The following MYO16 variants were observed in gnomAD, a reference collection of about 807,000 sequenced individuals.
MYO16 encodes unconventional myosin-XVI.
A neutral mutation model predicts 205.3 loss-of-function variants in MYO16; 94 were observed. The observed-to-expected ratio is 0.46, with a 90% CI of 0.39 to 0.54. The LOEUF (loss-of-function observed/expected upper bound fraction) is 0.54, where lower values mean the gene tolerates loss of function less well. Among genes scored for constraint, MYO16 ranks in the 20% least tolerant of loss-of-function variants. The pLI is 0.00. For synonymous variants in MYO16, 988 were observed against 954.0 expected (o/e 1.04, Z -0.66); for missense variants, 2,315 against 2,387.5 (o/e 0.97, Z 0.63).
intron 1 of MYO16, among the ~76,000 whole-genome samples, chr13:108,610,543 C>T (rs913580259): frequency 1.3e-4 from 20 of 152,174 alleles, no homozygotes; most frequent in African/African-American, 4.8e-4. Flanking sequence ...GCATAGAGCA[C>T]AGTGCTACTC....
In MYO16 at chr13:108,788,624, T is replaced by A. The variant is rs111661779; in HGVS notation, c.616+2881T>A. Among the ~76,000 whole-genome samples the A allele has an allele frequency of 7.1e-3, 1,086 of 152,308 alleles. 6 individuals carry two copies. The highest frequency in any genetic ancestry group is 0.011 in the Non-Finnish European group (740 of 68,032). On this transcript the variant is annotated intron_variant, in intron 5 of 34. Transcript: ENST00000457511. ...TCTTTCAAACCCATTCTTCTAACAG[T>A]CATAGCTCACATTTATTTTATTGAG...
intron 16 of MYO16, among the ~76,000 whole-genome samples, chr13:108,916,655 T>C (rs1881506871): frequency 2.0e-5 from 3 of 152,200 alleles, no homozygotes; most frequent in African/African-American, 7.2e-5. Context: ...TTACCCTAGG[T>C]GGACAGTGTA....
intron 5 of MYO16, among the ~76,000 whole-genome samples, chr13:108,789,525 A>G (rs1886553597): frequency 6.6e-6 from 1 of 152,118 alleles, no homozygotes; most frequent in African/African-American, 2.4e-5. Flanking sequence ...TCAAAATCAT[A>G]CATAGTTGGG....
chr13:108,973,525 A>T (rs1384552030), intron 20 of MYO16, among the ~76,000 whole-genome samples: 1 of 152,256 alleles, frequency 6.6e-6, no homozygotes, highest in South Asian at 2.1e-4. Context: ...TTTCCTAGAG[A>T]TCCAGATTTT....
the MYO16 span, among the ~76,000 whole-genome samples, chr13:108,496,971 G>A: frequency 1.3e-5 from 2 of 152,340 alleles, no homozygotes; most frequent in East Asian, 3.9e-4. Flanking sequence ...CTTTCTCTGC[G>A]AATCTCATGC....
At chr13:108,909,456 C>G (rs1348601415) in intron 15 of MYO16, among the ~76,000 whole-genome samples, 8 of 152,076 alleles carry the variant, frequency 5.3e-5, no homozygotes, top group African/African-American at 9.7e-5. Flanking sequence ...GTGTATTAAA[C>G]TATATCTGTG....
At chr13:108,536,169 T>C in the MYO16 span, among the ~76,000 whole-genome samples, 1 of 152,136 alleles carries the variant, frequency 6.6e-6, no homozygotes, top group Non-Finnish European at 1.5e-5. Context: ...ATTAATTCCC[T>C]AGTGATCTGC....
At chr13:108,989,704 T>C (rs1324733929) in intron 20 of MYO16, among the ~76,000 whole-genome samples, 1 of 152,188 alleles carries the variant, frequency 6.6e-6, no homozygotes. Flanking sequence ...TCAAATGATA[T>C]GAATATTGCA....
the MYO16 span, among the ~76,000 whole-genome samples, chr13:108,496,917 G>C: frequency 7.2e-5 from 11 of 152,166 alleles, no homozygotes; most frequent in Non-Finnish European, 1.5e-4. Flanking sequence ...GTCTTCCAAA[G>C]GCAGAAGCAC....
Position 108,666,026 on chromosome 13 carries a change from G to C in MYO16, c.169G>C (p.Glu57Gln), listed in dbSNP as rs761292500. 1.9e-6 allele frequency: 3 copies of C among 1,614,140 alleles called. No individual in the cohort carries two copies. Among genetic ancestry groups the C allele is most frequent in the South Asian group, 2.2e-5 (2 of 91,078 alleles). ...GCAAATCAAAGCCTACTATGAGCGC[G>C]AGAAGGCTTTTCAGAAGCAGGAAGG... ...CEQIKAYYER[E>Q]KAFQKQEGFL... The change falls in exon 2 of 35, where the codon GAG becomes CAG. Residue 57 changes from glutamate to glutamine, a missense_variant. By Grantham distance (29) the Glu-to-Gln change is conservative. Transcript: ENST00000457511.
chr13:108,620,745 G>C (rs1227365166), intron 1 of MYO16, among the ~76,000 whole-genome samples: 1 of 152,184 alleles, frequency 6.6e-6, no homozygotes, highest in Admixed American at 6.5e-5. Context: ...TCTGTCCCCA[G>C]TTCCTCGCCC....
chr13:108,903,076 A>C (rs146853174), intron 15 of MYO16, among the ~76,000 whole-genome samples: 169 of 152,282 alleles, frequency 1.1e-3, no homozygotes, highest in East Asian at 5.6e-3. Context: ...AGATGGTGCC[A>C]GTTTCCTGGC....
intron 11 of MYO16, among the ~76,000 whole-genome samples, chr13:108,864,894 A>G (rs1253725501): frequency 6.6e-6 from 1 of 152,170 alleles, no homozygotes; most frequent in Non-Finnish European, 1.5e-5. Context: ...CAGCACATTA[A>G]CATATCCATC....
At chr13:108,524,280 C>T in the MYO16 span, among the ~76,000 whole-genome samples, 7 of 150,958 alleles carry the variant, frequency 4.6e-5, no homozygotes, top group South Asian at 4.2e-4. Context: ...ACTCCAGCCT[C>T]GGCAACAGGG....
At chr13:108,933,979 A>T (rs931609923) in intron 16 of MYO16, among the ~76,000 whole-genome samples, 3 of 152,050 alleles carry the variant, frequency 2.0e-5, no homozygotes. Context: ...TATGTACCAC[A>T]TTTTCTTTAT....
intron 34 of MYO16, among the ~76,000 whole-genome samples, chr13:109,192,362 G>T (rs1879958729): frequency 6.6e-6 from 1 of 152,136 alleles, no homozygotes; most frequent in Non-Finnish European, 1.5e-5. Flanking sequence ...GCCTACTTTA[G>T]CAGGGTCTTG....
intron 16 of MYO16, among the ~76,000 whole-genome samples, chr13:108,951,736 A>G (rs183454462): frequency 2.0e-5 from 3 of 152,322 alleles, no homozygotes; most frequent in Non-Finnish European, 2.9e-5. Context: ...GTGAGGAAAG[A>G]TATTAACTAG....
the MYO16 span, among the ~76,000 whole-genome samples, chr13:108,581,003 A>G: frequency 1.3e-5 from 2 of 152,248 alleles, no homozygotes; most frequent in African/African-American, 4.8e-5. Context: ...AATGAAATGT[A>G]AAATTAAGTT....
chr13:108,632,550 C>G (rs531021540), intron 1 of MYO16, among the ~76,000 whole-genome samples: 1 of 152,030 alleles, frequency 6.6e-6, no homozygotes, highest in African/African-American at 2.4e-5. Context: ...GCTTCAAGGT[C>G]GAAACTTAAT....
Sources: gnomAD v4.1 joint callset for allele counts (sites outside exome capture counted in the v4.1 genomes callset) on GRCh38, gnomAD v4.1.1 for gene constraint, MANE v1.5 for transcripts, NCBI Gene and HGNC (gene_info 2026-07-23, HGNC 2026-07-21) for gene names.